The following DECR2 variants were observed in gnomAD, a reference collection of about 807,000 sequenced individuals.
DECR2 encodes 2,4-dienoyl-CoA reductase 2.
A neutral mutation model predicts 29.2 loss-of-function variants in DECR2; 34 were observed. The observed-to-expected ratio is 1.16, with a 90% CI of 0.89 to 1.55. The LOEUF (loss-of-function observed/expected upper bound fraction) is 1.55. Among genes scored for constraint, DECR2 ranks in the 40% most tolerant of loss-of-function variants. The pLI, the probability that DECR2 is intolerant of heterozygous loss-of-function variation, is 0.00. For synonymous variants in DECR2, 224 were observed against 182.7 expected, an observed-to-expected ratio of 1.23 and a Z score of -1.82; for missense variants, 485 against 425.3, an observed-to-expected ratio of 1.14 and a Z score of -1.23.
intron 3 of DECR2, chr16:406,953 G>GGCTCCCAGA (rs1384178885): frequency 2.0e-6 from 2 of 1,024,232 alleles, no homozygotes; most frequent in African/African-American, 3.5e-5. Context: ...GAGCTTCAGT[G>GGCTCCCAGA]TAAGTGGCCT....
intron 1 of DECR2, among the ~76,000 whole-genome samples, chr16:404,226 A>G (rs981514013): frequency 1.3e-5 from 2 of 151,754 alleles, no homozygotes; most frequent in Non-Finnish European, 2.9e-5. Flanking sequence ...AATTTTATGA[A>G]TTTTCATTTT....
At chr16:403,562 T>G (rs1431181201) in intron 1 of DECR2, among the ~76,000 whole-genome samples, 2 of 152,188 alleles carry the variant, frequency 1.3e-5, no homozygotes, top group Non-Finnish European at 2.9e-5. Context: ...CTCTATCTTG[T>G]TTAAGCCAGG....
intron 4 of DECR2, among the ~76,000 whole-genome samples, chr16:409,074 C>T (rs1238493160): frequency 3.9e-5 from 6 of 152,074 alleles, no homozygotes; most frequent in South Asian, 4.1e-4. Context: ...TCAGGTGATC[C>T]GCCCGCCTTG....
At chr16:405,915 G>T (rs2054718663) in intron 2 of DECR2, among the ~76,000 whole-genome samples, 2 of 152,198 alleles carry the variant, frequency 1.3e-5, no homozygotes, top group Non-Finnish European at 2.9e-5. Flanking sequence ...CTGGAACCAG[G>T]GTTCATAGAG....
rs1284177497 is a variant in DECR2 at position 410,526 on chromosome 16, C to T, written c.462+159C>T. The T allele has an allele frequency of 1.5e-6, 2 of 1,365,578 alleles. No individual in the cohort carries two copies. The highest frequency in any genetic ancestry group is 1.3e-5 in the South Asian group (1 of 75,848). The allele number at this position is 1,365,578 out of a possible 1,614,324, so 84.6% of individuals were successfully genotyped here. ...CCTCCCCCTGACGGCCGCCCGCTCCCTGCCCTGGGCCTCCCCATGACGGCC... is the reference window on the plus strand; with the variant it reads ...CCTCCCCCTGACGGCCGCCCGCTCCTTGCCCTGGGCCTCCCCATGACGGCC... On this transcript the variant is annotated intron_variant, in intron 5 of 8. Transcript: ENST00000219481. The surrounding 1 kb of genome is among the most constrained non-coding windows in gnomAD (Gnocchi z 4.1).
chr16:407,955 AGGCCTCTGTCTCCG>A (rs756764975), intron 4 of DECR2, among the ~76,000 whole-genome samples: 3,527 of 25,494 alleles, frequency 0.14, 449 homozygotes, highest in Non-Finnish European at 0.18. Flanking sequence ...CCCTGTCTCC[AGGCCTCTGTCTCCG>A]GCCCCCTGTC....
chr16:406,295 C>CG (rs1555495333), intron 2 of DECR2, 51 bp from the exon 3 acceptor site: 3 of 1,587,836 alleles, frequency 1.9e-6, no homozygotes, highest in Middle Eastern at 1.7e-4. Context: ...GCAGATGCCC[C>CG]GGGAGTGCCC....
Position 402,940 on chromosome 16 carries a change from G to A in DECR2, c.80+897G>A, listed in dbSNP as rs535111811. ...GTGGAGGTTGCAGTGAGCCGAGATC[G>A]CACCATTGCACTGGGCAACAAGAGT... On this transcript the variant is annotated intron_variant, in intron 1 of 8. Transcript: ENST00000219481. 20 of 724,076 alleles carry A rather than the reference G, an allele frequency of 2.8e-5. No individual in the cohort carries two copies. The African/African-American group carries it at 2.9e-4, about 10-fold the overall frequency. 44.9% of individuals were successfully genotyped at this position (724,076 alleles called of 1,614,324 possible).
chr16:405,017 T>A lies in DECR2; in HGVS notation c.142T>A (p.Phe48Ile). The A allele has an allele frequency of 6.2e-7, 1 of 1,614,102 alleles. No homozygotes were observed. Among genetic ancestry groups the A allele is most frequent in the Non-Finnish European group, 8.5e-7 (1 of 1,179,974 alleles). ...GATTGGGTTCCGGATTGCTGAGATT[T>A]TCATGCGGTGAGACTGCTCTGTGTC... ...SGIGFRIAEI[F>I]MRHGCHTVIA... is the part of the protein sequence containing the mutation. Residue 48 changes from phenylalanine to isoleucine, a missense_variant, in exon 2 of 9, where the codon TTC becomes ATC. By Grantham distance (21) the Phe-to-Ile change is conservative (BLOSUM62 0). Transcript: ENST00000219481.
intron 4 of DECR2, among the ~76,000 whole-genome samples, chr16:407,798 TCTGTCTCC>T (rs2054746960): frequency 5.6e-5 from 3 of 53,582 alleles, no homozygotes; most frequent in African/African-American, 2.7e-4. Context: ...GTCTCCGGGC[TCTGTCTCC>T]GGGCCTCTGT....
intron 1 of DECR2, among the ~76,000 whole-genome samples, chr16:402,496 A>C (rs1428359537): frequency 6.6e-6 from 1 of 152,088 alleles, no homozygotes; most frequent in Admixed American, 6.6e-5. Context: ...GAAGACCCAG[A>C]AGGCCCAGGA....
chr16:403,092 G>A (rs1455092290), intron 1 of DECR2: 5 of 942,978 alleles, frequency 5.3e-6, no homozygotes. Context: ...GTCTCATTCT[G>A]GGTTGAAGCA....
At chr16:405,979 C>T (rs1022762248) in intron 2 of DECR2, among the ~76,000 whole-genome samples, 3 of 152,202 alleles carry the variant, frequency 2.0e-5, no homozygotes, top group African/African-American at 7.2e-5. Context: ...AGGGAGCACC[C>T]CGCTTCAGAA....
chr16:409,421 C>T (rs1451302220), intron 4 of DECR2, among the ~76,000 whole-genome samples: 9 of 146,320 alleles, frequency 6.2e-5, no homozygotes, highest in African/African-American at 1.8e-4. Flanking sequence ...CCGCCCGCCT[C>T]AGCCTCCCAA....
chr16:407,797 CTCTGT>C (rs2054746814), intron 4 of DECR2, among the ~76,000 whole-genome samples: 4 of 1,938 alleles, frequency 2.1e-3, no homozygotes, highest in Middle Eastern at 0.12. Context: ...TGTCTCCGGG[CTCTGT>C]CTCCGGGCCT....
At chr16:411,719 T>G in intron 8 of DECR2, 141 bp downstream of exon 8, 1 of 922,294 alleles carries the variant, frequency 1.1e-6, no homozygotes, top group Non-Finnish European at 1.6e-6. Context: ...TGCCCACACA[T>G]GGGTGCTGCC....
rs1384711751 is a variant in DECR2 at position 407,442 on chromosome 16, T to G, written c.219T>G (p.Ala73=). The change falls in exon 4 of 9, where the codon GCT becomes GCG. Residue 73 remains alanine (A), a synonymous_variant. Transcript: ENST00000219481. ...PRVLTAARKL[A]GATGRRCLPL... ...GCTTCTAGGCCGCCAGGAAGCTGGC[T>G]GGGGCCACCGGCCGGCGCTGCCTCC... The G allele has an allele frequency of 6.2e-7, 1 of 1,610,120 alleles. No homozygotes were observed. Among genetic ancestry groups the G allele is most frequent in the Non-Finnish European group, 8.5e-7 (1 of 1,179,008 alleles).
chr16:411,654 G>A (rs1036430361), intron 8 of DECR2, 76 bp downstream of exon 8: 15 of 1,485,488 alleles, frequency 1.0e-5, no homozygotes, highest in Admixed American at 2.0e-5. Context: ...GTCTCTGCGG[G>A]ACCCACGGGG....
At position 402,036 on chromosome 16, in the gene DECR2, C is replaced by G. The variant is rs2054672300; in HGVS notation, c.73C>G (p.Leu25Val). The G allele has an allele frequency of 6.9e-7, 1 of 1,451,464 alleles. No homozygotes were observed. The highest frequency in any genetic ancestry group is 3.0e-5 in the East Asian group (1 of 33,740). 89.9% of individuals were successfully genotyped at this position (1,451,464 alleles called of 1,614,324 possible). Residue 25 changes from leucine (L) to valine (V), a missense_variant, in exon 1 of 9, where the codon CTG (leucine) becomes GTG (valine). Leu to Val is a conservative substitution (Grantham distance 32, BLOSUM62 1). Transcript: ENST00000219481. ...GTACCGCCACCTCTTCTGCCCGGAC[C>G]TGCTGCGGTGAGCGGGGCCTGGGAA... The part of the protein sequence containing the change: ...PAYRHLFCPD[L>V]LRDKVAFITG...
Sources: gnomAD v4.1 joint callset for allele counts (sites outside exome capture counted in the v4.1 genomes callset) on GRCh38, gnomAD v4.1.1 for gene constraint, Gnocchi (gnomAD v3.1) non-coding constraint, MANE v1.5 for transcripts, NCBI Gene and HGNC (gene_info 2026-07-23, HGNC 2026-07-21) for gene names.